GFOD1: variants seen among roughly 807,000 people sequenced by gnomAD.
GFOD1 encodes the protein glucose-fructose oxidoreductase domain-containing protein 1.
Under a neutral mutation model 25.4 loss-of-function variants are expected in GFOD1, and 9 were observed. The ratio of observed to expected loss-of-function variants is 0.35; its 90% CI spans 0.21 to 0.62. The LOEUF (loss-of-function observed/expected upper bound fraction) is 0.62. GFOD1 is among the 20% of genes least tolerant of loss of function. GFOD1 has a pLI of 0.72. For synonymous variants in GFOD1, 253 were observed against 245.6 expected, an observed-to-expected ratio of 1.03 and a Z score of -0.28; for missense variants, 403 against 556.9, an observed-to-expected ratio of 0.72 and a Z score of 2.78.
chr6:13,400,364 C>T (rs901265099), intron 1 of GFOD1, among the ~76,000 whole-genome samples: 3 of 151,964 alleles, frequency 2.0e-5, no homozygotes, highest in African/African-American at 4.8e-5. Context: ...GTTACCACTG[C>T]GGAAGCCACC....
At chr6:13,408,552 T>C (rs907261667) in intron 1 of GFOD1, among the ~76,000 whole-genome samples, 25 of 152,108 alleles carry the variant, frequency 1.6e-4, no homozygotes, top group African/African-American at 5.3e-4. Context: ...CTGAGGAAAG[T>C]AGGCCAGTGA....
At chr6:13,480,009 C>T (rs1024462602) in intron 1 of GFOD1, among the ~76,000 whole-genome samples, 3 of 152,172 alleles carry the variant, frequency 2.0e-5, no homozygotes, top group Admixed American at 1.3e-4. Flanking sequence ...TTTCCGCTGG[C>T]GTGGCAATGC....
intron 1 of GFOD1, among the ~76,000 whole-genome samples, chr6:13,381,923 AC>A (rs1785372734): frequency 7.3e-6 from 1 of 137,536 alleles, no homozygotes; most frequent in Non-Finnish European, 1.5e-5. Context: ...GCGCACACAC[AC>A]ACACACACAC....
intron 1 of GFOD1, among the ~76,000 whole-genome samples, chr6:13,453,069 C>G (rs1758126429): frequency 1.3e-5 from 2 of 152,218 alleles, no homozygotes; most frequent in South Asian, 4.1e-4. Flanking sequence ...CACATCAGTT[C>G]AGCTCAGGTT....
chr6:13,409,306 A>G lies in GFOD1; in HGVS notation c.254-43644T>C, dbSNP rs1345051625. Among the ~76,000 whole-genome samples, 2 of 34,926 alleles carry G rather than the reference A, an allele frequency of 5.7e-5. 1 individual carries two copies. The highest frequency in any genetic ancestry group is 3.8e-4 in the Non-Finnish European group (2 of 5,224). The allele number at this position is 34,926 out of a possible 152,430, so 22.9% of individuals were successfully genotyped here. A position where few individuals can be genotyped will look rare whatever the true frequency, so the allele number is the denominator to read the frequency against. ...ACAGAGAGGAAGGAAGGAAGAAAGG[A>G]AGGAAGGAAGAAAGGAAGGAAGGAG... On this transcript the variant is annotated intron_variant, in intron 1 of 1. Transcript: ENST00000379287.
chr6:13,391,013 C>T (rs1480268264), intron 1 of GFOD1, among the ~76,000 whole-genome samples: 1 of 152,108 alleles, frequency 6.6e-6, no homozygotes, highest in Non-Finnish European at 1.5e-5. Flanking sequence ...CCTACTGGCC[C>T]AGCGCAAAGA....
chr6:13,392,106 T>C (rs1307090510), intron 1 of GFOD1, among the ~76,000 whole-genome samples: 3 of 152,074 alleles, frequency 2.0e-5, no homozygotes, highest in Non-Finnish European at 4.4e-5. Flanking sequence ...GGCTCATGCC[T>C]GTAATCCCAG....
At chr6:13,403,177 G>A (rs1785882132) in intron 1 of GFOD1, among the ~76,000 whole-genome samples, 1 of 151,382 alleles carries the variant, frequency 6.6e-6, no homozygotes. Context: ...CCAGGCTGGA[G>A]TACAGTGGTG....
At chr6:13,408,495 T>G (rs1323742444) in intron 1 of GFOD1, among the ~76,000 whole-genome samples, 1 of 152,136 alleles carries the variant, frequency 6.6e-6, no homozygotes, top group Non-Finnish European at 1.5e-5. Context: ...CCATGTGACC[T>G]GGCAGGGAGA....
At chr6:13,432,984 T>C (rs1432899413) in intron 1 of GFOD1, among the ~76,000 whole-genome samples, 1 of 152,188 alleles carries the variant, frequency 6.6e-6, no homozygotes, top group East Asian at 1.9e-4. Flanking sequence ...ACTGGTCACA[T>C]GTACAAGTTA....
chr6:13,387,769 G>C (rs1057215158), intron 1 of GFOD1, among the ~76,000 whole-genome samples: 1 of 152,156 alleles, frequency 6.6e-6, no homozygotes, highest in East Asian at 1.9e-4. Context: ...TCTGGCCAGG[G>C]CATCAGGCAA....
chr6:13,383,876 A>G (rs952840541), intron 1 of GFOD1, among the ~76,000 whole-genome samples: 1 of 152,208 alleles, frequency 6.6e-6, no homozygotes, highest in Non-Finnish European at 1.5e-5. Context: ...GCGCTTTAAA[A>G]TGTTAATGGG....
intron 1 of GFOD1, among the ~76,000 whole-genome samples, chr6:13,368,631 G>A (rs1785092316): frequency 6.6e-6 from 1 of 152,128 alleles, no homozygotes; most frequent in African/African-American, 2.4e-5. Flanking sequence ...CCAAAAGCAG[G>A]ATCCTGACTG....
rs1214289390 is a variant in GFOD1, at chr6:13,487,153, C to G, written c.-263G>C. Reference sequence around the variant, plus strand: ...CCTTCCCGGAGTCGGCGGCAGGGACCCCCCCAGGGCGCCGGAGGCTTCGAA... The same window carrying G: ...CCTTCCCGGAGTCGGCGGCAGGGACGCCCCCAGGGCGCCGGAGGCTTCGAA... On this transcript the variant is annotated 5_prime_UTR_variant, in exon 1 of 2. Transcript: ENST00000379287. The surrounding 1 kb of genome is among the most constrained non-coding windows in gnomAD (Gnocchi z 4.9). 2 of 432,806 alleles carry G rather than the reference C, an allele frequency of 4.6e-6. No individual in the cohort carries two copies. The highest frequency in any genetic ancestry group is 7.7e-5 in the East Asian group (2 of 26,008). The allele number at this position is 432,806 out of a possible 1,614,324, so 26.8% of individuals were successfully genotyped here. A position where few individuals can be genotyped will look rare whatever the true frequency, so the allele number is the denominator to read the frequency against.
At chr6:13,397,585 G>A (rs1417267803) in intron 1 of GFOD1, among the ~76,000 whole-genome samples, 1 of 152,214 alleles carries the variant, frequency 6.6e-6, no homozygotes, top group African/African-American at 2.4e-5. Context: ...AGAAGGCACT[G>A]ATACCACCTG....
intron 1 of GFOD1, among the ~76,000 whole-genome samples, chr6:13,434,426 C>A (rs1407943625): frequency 7.0e-6 from 1 of 143,864 alleles, no homozygotes; most frequent in Non-Finnish European, 1.5e-5. Context: ...ATTATGGAAG[C>A]ACAGAAGTCA....
chr6:13,447,833 CA>C (rs985159121), intron 1 of GFOD1, among the ~76,000 whole-genome samples: 24 of 133,926 alleles, frequency 1.8e-4, no homozygotes, highest in African/African-American at 6.4e-4. Context: ...GTAAAGAGAA[CA>C]GAGTTATAAA....
intron 1 of GFOD1, among the ~76,000 whole-genome samples, chr6:13,479,047 G>T (rs1758690862): frequency 6.8e-6 from 1 of 146,200 alleles, no homozygotes. Context: ...CTTGGCTTAG[G>T]TACCATCCCT....
intron 1 of GFOD1, among the ~76,000 whole-genome samples, chr6:13,433,118 C>CTTT (rs34908391): frequency 8.2e-5 from 11 of 133,654 alleles, no homozygotes; most frequent in Non-Finnish European, 1.4e-4. Flanking sequence ...TGCTGGGTCC[C>CTTT]TTTTTTTTTT....
Sources: allele counts gnomAD v4.1 joint callset (sites outside exome capture counted in the v4.1 genomes callset), GRCh38; gene constraint gnomAD v4.1.1; non-coding constraint Gnocchi (gnomAD v3.1); transcripts MANE v1.5; gene names NCBI Gene and HGNC (gene_info 2026-07-23, HGNC 2026-07-21).